The following MTR variants were observed in gnomAD, a reference collection of about 807,000 sequenced individuals.
The protein encoded by MTR is methionine synthase.
Under a neutral mutation model 154.8 loss-of-function variants are expected in MTR, and 84 were observed. The observed-to-expected ratio is 0.54, with a 90% CI of 0.45 to 0.65. The LOEUF is 0.65. Ranked by LOEUF, MTR falls within the 30% of genes least tolerant of loss-of-function variation. MTR has a pLI of 0.00. For synonymous variants in MTR, 554 were observed against 553.9 expected (o/e 1.00, Z 0.00); for missense variants, 1,275 against 1,570.2 (o/e 0.81, Z 3.18).
chr1:236,835,788 G>T (rs1662873183), intron 14 of MTR, 101 bp downstream of exon 14: 6 of 1,501,986 alleles, frequency 4.0e-6, no homozygotes, highest in East Asian at 2.3e-5. Flanking sequence ...TCAAGAACTG[G>T]TTTTCTGTTT....
intron 18 of MTR, among the ~76,000 whole-genome samples, chr1:236,854,449 A>G (rs1274669022): frequency 6.6e-6 from 1 of 152,194 alleles, no homozygotes; most frequent in Admixed American, 6.6e-5. Flanking sequence ...TATTGACCAC[A>G]TAGAGTGCTT....
rs397974349 is a variant in MTR at position 236,861,097 on chromosome 1, C to CTT, written c.2044-13_2044-12dup. The CTT allele has an allele frequency of 4.0e-3, 4,678 of 1,155,926 alleles. 8 individuals carry two copies. Among genetic ancestry groups the CTT allele is most frequent in the African/African-American group, 0.012 (631 of 53,074 alleles). The allele number at this position is 1,155,926 out of a possible 1,614,324, so 71.6% of individuals were successfully genotyped here. On this transcript the variant is annotated intron_variant, in intron 19 of 32. Transcript: ENST00000366577. ...ATTTTTTTTTTCTTTCTTTCTTTTT[C>CTT]TTTTTTTTTTTTTTTTGTCTTTTTT...
chr1:236,841,924 G>A (rs1234778165), intron 15 of MTR, among the ~76,000 whole-genome samples: 3 of 144,876 alleles, frequency 2.1e-5, no homozygotes, highest in African/African-American at 2.6e-5. Flanking sequence ...ACGGAGTCTC[G>A]CTGTCGCCCA....
At chr1:236,817,890 A>G (rs758005012) in intron 8 of MTR, among the ~76,000 whole-genome samples, 1 of 152,178 alleles carries the variant, frequency 6.6e-6, no homozygotes, top group Non-Finnish European at 1.5e-5. Context: ...TTTACAGCTT[A>G]TGAGTTTTTC....
At chr1:236,808,823 T>A in intron 4 of MTR, 50 bp downstream of exon 4, 1 of 1,539,456 alleles carries the variant, frequency 6.5e-7, no homozygotes, top group East Asian at 2.2e-5. Flanking sequence ...TTTGATACTG[T>A]CAGCTATAAT....
chr1:236,873,065 G>A (rs899822738), intron 22 of MTR, among the ~76,000 whole-genome samples: 1 of 152,188 alleles, frequency 6.6e-6, no homozygotes, highest in South Asian at 2.1e-4. Flanking sequence ...AGCAAAACAT[G>A]TTATCTCCAT....
At chr1:236,865,070 A>G (rs1479805860) in intron 22 of MTR, among the ~76,000 whole-genome samples, 6 of 152,208 alleles carry the variant, frequency 3.9e-5, no homozygotes, top group African/African-American at 1.4e-4. Context: ...TTCTCCAGTA[A>G]AGACATTTTA....
chr1:236,816,119 C>T (rs1393699982), intron 7 of MTR, among the ~76,000 whole-genome samples: 1 of 152,198 alleles, frequency 6.6e-6, no homozygotes, highest in African/African-American at 2.4e-5. Context: ...CAATGTTTAA[C>T]AGCAGGAGGT....
intron 9 of MTR, 98 bp downstream of exon 9, chr1:236,824,317 C>T (rs1225769190): frequency 1.8e-5 from 19 of 1,060,506 alleles, no homozygotes; most frequent in East Asian, 1.2e-4. Context: ...CTTGTTTTGC[C>T]GGTGTTGGTA....
chr1:236,859,981 TTG>T, intron 19 of MTR, 59 bp downstream of exon 19: 2 of 1,456,360 alleles, frequency 1.4e-6, no homozygotes, highest in Non-Finnish European at 1.9e-6. Flanking sequence ...ACTGATCCTG[TTG>T]TGGGCGGTGT....
At chr1:236,896,909 T>A (rs1666655853) in intron 31 of MTR, 97 bp from the exon 32 acceptor site, 1 of 884,598 alleles carries the variant, frequency 1.1e-6, no homozygotes, top group Non-Finnish European at 1.9e-6. Flanking sequence ...TCGCTTTGGT[T>A]CACTTGTTCA....
intron 23 of MTR, 62 bp from the exon 24 acceptor site, chr1:236,874,663 CT>C: frequency 7.3e-7 from 1 of 1,375,858 alleles, no homozygotes. Flanking sequence ...CATCCTTTTC[CT>C]TTTTCTTTCA....
At chr1:236,882,868 G>A (rs1665825650) in intron 25 of MTR, among the ~76,000 whole-genome samples, 1 of 152,240 alleles carries the variant, frequency 6.6e-6, no homozygotes, top group African/African-American at 2.4e-5. Context: ...ACATAAGTCA[G>A]ATGATAAATC....
intron 10 of MTR, among the ~76,000 whole-genome samples, chr1:236,825,877 T>G (rs1298567817): frequency 6.6e-6 from 1 of 152,228 alleles, no homozygotes; most frequent in South Asian, 2.1e-4. Context: ...TGGGTCTCTT[T>G]CCCCTTATTC....
chr1:236,830,753 C>G (rs1662564065), intron 12 of MTR, among the ~76,000 whole-genome samples: 1 of 152,128 alleles, frequency 6.6e-6, no homozygotes, highest in Non-Finnish European at 1.5e-5. Context: ...CTGCGACTAG[C>G]TTGGAAGGCT....
intron 18 of MTR, among the ~76,000 whole-genome samples, chr1:236,855,862 G>A (rs1230060553): frequency 6.6e-6 from 1 of 152,280 alleles, no homozygotes; most frequent in South Asian, 2.1e-4. Flanking sequence ...GTAGCACCTT[G>A]TTTGTGTATC....
chr1:236,817,073 C>T (rs1048279864), intron 8 of MTR, among the ~76,000 whole-genome samples: 2 of 152,146 alleles, frequency 1.3e-5, no homozygotes, highest in Non-Finnish European at 1.5e-5. Flanking sequence ...GCCAACATAG[C>T]AGGATCTGTC....
Position 236,810,503 on chromosome 1 carries a change from GA to G in MTR, c.412del (p.Ile138LeufsTer121). ...CACACTTGTTTTTCTTTTCCCAAAG[GA>G]ATTAAGAGGTTTGTGGCAGGGGCTC... Reference protein sequence around the residue: ...KAAEEVTLQTGIKRFVAGALG... With the variant: ...KAAEEVTLQTXIKRFVAGALG... On this transcript the variant is annotated frameshift_variant and splice_region_variant, in exon 5 of 33. Transcript: ENST00000366577. LOFTEE classifies it high-confidence loss of function. 1 of 1,613,382 alleles carries G rather than the reference GA, an allele frequency of 6.2e-7. No individual in the cohort carries two copies. Among genetic ancestry groups the G allele is most frequent in the Non-Finnish European group, 8.5e-7 (1 of 1,179,396 alleles).
chr1:236,824,457 C>T (rs1366176102), intron 9 of MTR, among the ~76,000 whole-genome samples: 1 of 152,152 alleles, frequency 6.6e-6, no homozygotes, highest in African/African-American at 2.4e-5. Context: ...ACATAACTGA[C>T]CAGAGCTTTG....
Sources: allele counts gnomAD v4.1 joint callset (sites outside exome capture counted in the v4.1 genomes callset), GRCh38; gene constraint gnomAD v4.1.1; transcripts MANE v1.5; gene names NCBI Gene and HGNC (gene_info 2026-07-23, HGNC 2026-07-21).